The following DNMT3B variants were observed in gnomAD, a reference collection of about 807,000 sequenced individuals.
The protein encoded by DNMT3B is DNA methyltransferase 3 beta, also known as DNA (cytosine-5)-methyltransferase 3B.
Under a neutral mutation model 120.2 loss-of-function variants are expected in DNMT3B, and 37 were observed. The observed-to-expected ratio is 0.31, with a 90% CI of 0.24 to 0.40. DNMT3B has a LOEUF of 0.40. DNMT3B is among the 10% of genes least tolerant of loss of function. DNMT3B has a pLI of 1.00. For missense variants in DNMT3B, 878 were observed against 1,137.3 expected, an observed-to-expected ratio of 0.77 and a Z score of 3.28; for synonymous variants, 412 against 442.8, an observed-to-expected ratio of 0.93 and a Z score of 0.87.
intron 15 of DNMT3B, 87 bp downstream of exon 15, chr20:32,798,730 GAAGTA>G (rs1433348311): frequency 6.6e-5 from 105 of 1,582,158 alleles, no homozygotes; most frequent in Non-Finnish European, 8.3e-5. Flanking sequence ...AAGAGTAATA[GAAGTA>G]AAGACACGTT....
intron 7 of DNMT3B, among the ~76,000 whole-genome samples, chr20:32,789,962 C>G (rs1262358828): frequency 6.6e-6 from 1 of 152,214 alleles, no homozygotes; most frequent in Non-Finnish European, 1.5e-5. Flanking sequence ...GTCCTACCCT[C>G]AGAGCCCTGA....
chr20:32,762,521 GCGGCAACGCTGC>G lies in DNMT3B; in HGVS notation c.-183_-172del, dbSNP rs1192695144. The stretch of plus-strand genomic sequence containing the variant: ...GGCTCCCTGGCGGTCGGGCGAGCGG[GCGGCAACGCTGC>G]CCGGCCGGCAGCGCTGGGGTTAAGT... On this transcript the variant is annotated 5_prime_UTR_variant, in exon 1 of 23. Coordinates refer to ENST00000328111, the MANE Select transcript of DNMT3B (RefSeq NM_006892.4). 3.2e-5 allele frequency: 10 copies of G among 312,136 alleles called. No homozygotes were observed. Among genetic ancestry groups the G allele is most frequent in the Non-Finnish European group, 6.6e-5 (10 of 151,312 alleles). The allele number at this position is 312,136 out of a possible 1,614,324, so 19.3% of individuals were successfully genotyped here.
chr20:32,778,364 C>A (rs569602794), intron 1 of DNMT3B, among the ~76,000 whole-genome samples: 298 of 137,942 alleles, frequency 2.2e-3, no homozygotes, highest in East Asian at 5.3e-3. Flanking sequence ...GACTCTGTCT[C>A]AAAAAAAAAA....
At chr20:32,769,774 A>T (rs4911255) in intron 1 of DNMT3B, among the ~76,000 whole-genome samples, 85,019 of 151,144 alleles carry the variant, frequency 0.56, 26,935 homozygotes, top group East Asian at 0.92. Context: ...TTGAGACAGC[A>T]TCTCACTCTG....
intron 5 of DNMT3B, 43 bp downstream of exon 5, chr20:32,786,670 C>T (rs1979331791): frequency 6.2e-7 from 1 of 1,612,554 alleles, no homozygotes; most frequent in Non-Finnish European, 8.5e-7. Context: ...CAGTCTCTAA[C>T]TGGGAGATAT....
chr20:32,792,365 G>A (rs887076326), intron 8 of DNMT3B, among the ~76,000 whole-genome samples: 2 of 152,282 alleles, frequency 1.3e-5, no homozygotes, highest in Middle Eastern at 3.4e-3. Context: ...TGAGTGGGAG[G>A]TGACCACTGA....
intron 14 of DNMT3B, 113 bp downstream of exon 14, chr20:32,797,412 C>T: frequency 9.8e-7 from 1 of 1,018,406 alleles, no homozygotes; most frequent in Non-Finnish European, 1.4e-6. Context: ...GAATAGGGAG[C>T]TAATTTGCCC....
Position 32,808,022 on chromosome 20 carries a change from C to A in DNMT3B, c.*119C>A. The A allele has an allele frequency of 1.3e-6, 2 of 1,555,386 alleles. No individual in the cohort carries two copies. Among genetic ancestry groups the A allele is most frequent in the East Asian group, 2.3e-5 (1 of 43,232 alleles). ...CAGCTGTGTGGGTCATACCGTGTAC[C>A]TCAGTTCCCTCTTGCTCAGTGGGGG... On this transcript the variant is annotated 3_prime_UTR_variant, in exon 23 of 23. Transcript: ENST00000328111.
At chr20:32,772,724 C>A (rs921566193) in intron 1 of DNMT3B, among the ~76,000 whole-genome samples, 4 of 151,916 alleles carry the variant, frequency 2.6e-5, no homozygotes, top group Non-Finnish European at 5.9e-5. Context: ...CTTTTCAGAT[C>A]TTTATGGTCC....
intron 1 of DNMT3B, among the ~76,000 whole-genome samples, chr20:32,765,754 T>C (rs1417522088): frequency 2.0e-4 from 21 of 104,580 alleles, no homozygotes; most frequent in African/African-American, 7.0e-4. Flanking sequence ...TTTTTTCTTT[T>C]TTTCTTTTTT....
rs1468549908 is a variant in DNMT3B, at chr20:32,793,623, C to T, written c.1126+28C>T. 6.2e-6 allele frequency: 10 copies of T among 1,611,244 alleles called. No individual in the cohort carries two copies. The East Asian group carries it at 2.2e-4, about 36-fold the overall frequency. On this transcript the variant is annotated intron_variant, in intron 10 of 22. Coordinates refer to ENST00000328111, the MANE Select transcript of DNMT3B (RefSeq NM_006892.4). Reference sequence around the variant, plus strand: ...ATTTCCTTCCTGTCTTTTGACTGTGCCCTGTTTTCTATGCACTTTCTTCTG... The same window carrying T: ...ATTTCCTTCCTGTCTTTTGACTGTGTCCTGTTTTCTATGCACTTTCTTCTG...
chr20:32,783,532 C>G (rs1164122254), intron 3 of DNMT3B, among the ~76,000 whole-genome samples: 2 of 151,646 alleles, frequency 1.3e-5, no homozygotes, highest in Non-Finnish European at 2.9e-5. Context: ...AAGTCCTGGG[C>G]AATGAAAACT....
Position 32,769,796 on chromosome 20 carries a change from G to A in DNMT3B, c.-7+7097G>A, listed in dbSNP as rs1003648255. ...AGCATCTCACTCTGTTGCCCAGGCT[G>A]GAGTGCAGTGGCACGATTTGGCACA... On this transcript the variant is annotated intron_variant, in intron 1 of 22. Transcript: ENST00000328111. Among the ~76,000 whole-genome samples the A allele has an allele frequency of 2.6e-5, 4 of 152,040 alleles. No homozygotes were observed. The East Asian group carries it at 7.7e-4, about 29-fold the overall frequency.
chr20:32,765,129 C>T (rs916820981), intron 1 of DNMT3B, among the ~76,000 whole-genome samples: 2 of 152,212 alleles, frequency 1.3e-5, no homozygotes, highest in Non-Finnish European at 2.9e-5. Flanking sequence ...TGTGCTCTTC[C>T]TCACACACCA....
chr20:32,774,461 G>C (rs181487092), intron 1 of DNMT3B, among the ~76,000 whole-genome samples: 1 of 149,744 alleles, frequency 6.7e-6, no homozygotes, highest in African/African-American at 2.5e-5. Flanking sequence ...TGCCCACGTC[G>C]GCCTCCCAAA....
intron 22 of DNMT3B, among the ~76,000 whole-genome samples, chr20:32,806,757 C>A (rs866801916): frequency 6.6e-6 from 1 of 152,176 alleles, no homozygotes; most frequent in Non-Finnish European, 1.5e-5. Flanking sequence ...TGTTTTGATG[C>A]AAATAACCAT....
chr20:32,790,229 A>G (rs1252722374), intron 7 of DNMT3B, among the ~76,000 whole-genome samples: 1 of 152,192 alleles, frequency 6.6e-6, no homozygotes, highest in Non-Finnish European at 1.5e-5. Flanking sequence ...CAGCAGAGGG[A>G]GGACAAGTCC....
chr20:32,776,896 G>A (rs971485156), intron 1 of DNMT3B, among the ~76,000 whole-genome samples: 9 of 151,898 alleles, frequency 5.9e-5, no homozygotes, highest in Admixed American at 5.2e-4. Context: ...AGCAGCACAT[G>A]CCTCGAGGCT....
chr20:32,806,654 C>A (rs1982017989), intron 22 of DNMT3B, among the ~76,000 whole-genome samples: 1 of 152,190 alleles, frequency 6.6e-6, no homozygotes, highest in African/African-American at 2.4e-5. Flanking sequence ...ACAGACATGC[C>A]ATTCTTGAAG....
Sources: allele counts gnomAD v4.1 joint callset (sites outside exome capture counted in the v4.1 genomes callset), GRCh38; gene constraint gnomAD v4.1.1; transcripts MANE v1.5; gene names NCBI Gene and HGNC (gene_info 2026-07-23, HGNC 2026-07-21).